CDH22: variants seen among roughly 807,000 people sequenced by gnomAD.
The protein encoded by CDH22 is cadherin 22.
A neutral mutation model predicts 58.4 loss-of-function variants in CDH22; 30 were observed. That is an observed-to-expected ratio of 0.51 (90% CI 0.38 to 0.70). CDH22 has a LOEUF of 0.70. Ranked by LOEUF, CDH22 falls within the 30% of genes least tolerant of loss-of-function variation. The probability of loss-of-function intolerance (pLI) is 0.00; values close to 1 mark genes in which losing one functional copy is unlikely to be tolerated. For synonymous variants in CDH22, 513 were observed against 558.2 expected (o/e 0.92, Z 1.14); for missense variants, 1,014 against 1,233.9 (o/e 0.82, Z 2.67).
chr20:46,284,629 T>C (rs1485497737), intron 1 of CDH22, among the ~76,000 whole-genome samples: 3 of 152,176 alleles, frequency 2.0e-5, no homozygotes, highest in Non-Finnish European at 4.4e-5. Context: ...TTCTGATTGA[T>C]CAGTGAGTAT....
At chr20:46,248,193 T>G (rs1477034627) in intron 2 of CDH22, among the ~76,000 whole-genome samples, 1 of 152,182 alleles carries the variant, frequency 6.6e-6, no homozygotes, top group Non-Finnish European at 1.5e-5. Flanking sequence ...TAGACTGTGG[T>G]TCCATGAGAT....
At chr20:46,236,724 C>T (rs1199417488) in intron 3 of CDH22, among the ~76,000 whole-genome samples, 1 of 150,632 alleles carries the variant, frequency 6.6e-6, no homozygotes, top group Non-Finnish European at 1.5e-5. Context: ...GAGAGTCTTG[C>T]ACTGTCACTC....
chr20:46,202,752 C>A (rs1445145452), intron 7 of CDH22, among the ~76,000 whole-genome samples: 1 of 152,146 alleles, frequency 6.6e-6, no homozygotes, highest in Non-Finnish European at 1.5e-5. Flanking sequence ...CCAGCCTGGC[C>A]CCATCAGATA....
chr20:46,308,290 C>A lies in CDH22; in HGVS notation c.-435G>T, dbSNP rs1384862698. 1 of 162,044 alleles carries A rather than the reference C, an allele frequency of 6.2e-6. No individual in the cohort carries two copies. The highest frequency in any genetic ancestry group is 1.3e-5 in the Non-Finnish European group (1 of 74,532). The allele number at this position is 162,044 out of a possible 1,614,324, so 10.0% of individuals were successfully genotyped here. A position where few individuals can be genotyped will look rare whatever the true frequency, so the allele number is the denominator to read the frequency against. On this transcript the variant is annotated 5_prime_UTR_variant, in exon 1 of 12. Coordinates refer to ENST00000537909, the MANE Select transcript of CDH22 (RefSeq NM_021248.3). The surrounding 1 kb of genome is among the most constrained non-coding windows in gnomAD (Gnocchi z 4.3). ...GGCCCGGGGCTCCCCCTAGTCCTGC[C>A]GCCTCGGGACGCTGCGTGGGGCGGG...
In CDH22 at chr20:46,225,051, A is replaced by G. The variant is rs576698687; in HGVS notation, c.670+2457T>C. On this transcript the variant is annotated intron_variant, in intron 4 of 11. Coordinates refer to ENST00000537909, the MANE Select transcript of CDH22 (RefSeq NM_021248.3). ...GTTAAAATTAAAACCAGAGCATGTC[A>G]TTTCCTTGCTTAGTAGTCATCAGTG... Among the ~76,000 whole-genome samples the G allele has an allele frequency of 8.5e-5, 13 of 152,322 alleles. No homozygotes were observed. In the East Asian group the frequency reaches 2.5e-3, roughly 29 times the overall value.
At chr20:46,186,171 C>T (rs1378719171) in intron 10 of CDH22, among the ~76,000 whole-genome samples, 1 of 149,116 alleles carries the variant, frequency 6.7e-6, no homozygotes, top group Non-Finnish European at 1.5e-5. Flanking sequence ...CCACTGCACT[C>T]CAGCCTGGCT....
rs780634106 is a variant in CDH22 at position 46,251,164 on chromosome 20, G to A, written c.131C>T (p.Pro44Leu). 7.6e-6 allele frequency: 12 copies of A among 1,585,116 alleles called. No individual in the cohort carries two copies. Among genetic ancestry groups the A allele is most frequent in the South Asian group, 1.1e-5 (1 of 89,166 alleles). The change falls in exon 2 of 12, where the codon CCG (proline) becomes CTG (leucine). Residue 44 changes from proline to leucine, a missense_variant. Around this residue, in one of 2 missense-constraint regions of CDH22, gnomAD observed 806 missense variants for 1,038.7 expected, o/e 0.78. Coordinates refer to ENST00000537909, the MANE Select transcript of CDH22 (RefSeq NM_021248.3). The surrounding 1 kb of genome is among the most constrained non-coding windows in gnomAD (Gnocchi z 6.7). Reference sequence around the variant, plus strand: ...GTCCTGCCGAGCTCCGGGCGCCGACGGCGAGGGTGTGCCCGCTGCCCACAG... The same window carrying A: ...GTCCTGCCGAGCTCCGGGCGCCGACAGCGAGGGTGTGCCCGCTGCCCACAG... The part of the protein sequence containing the change: ...GRLWAAGTPS[P>L]SAPGARQDGA...
At chr20:46,219,462 T>C (rs1474334581) in intron 4 of CDH22, among the ~76,000 whole-genome samples, 1 of 152,212 alleles carries the variant, frequency 6.6e-6, no homozygotes, top group East Asian at 1.9e-4. Context: ...CTGTAGTCAG[T>C]CATTTTGGGC....
At chr20:46,304,000 G>A (rs529757717) in intron 1 of CDH22, among the ~76,000 whole-genome samples, 3 of 152,228 alleles carry the variant, frequency 2.0e-5, no homozygotes, top group Admixed American at 6.5e-5. Flanking sequence ...AGAAGGGATC[G>A]CGAGATGGAT....
At chr20:46,259,745 C>G (rs191344955) in intron 1 of CDH22, among the ~76,000 whole-genome samples, 9 of 152,164 alleles carry the variant, frequency 5.9e-5, no homozygotes, top group African/African-American at 1.9e-4. Flanking sequence ...ACTGGAAGAA[C>G]AAGCATGAGC....
chr20:46,267,717 G>A (rs2086467842), intron 1 of CDH22, among the ~76,000 whole-genome samples: 1 of 152,228 alleles, frequency 6.6e-6, no homozygotes, highest in Non-Finnish European at 1.5e-5. Flanking sequence ...TTCCCTTCCT[G>A]CACCTCAGTC....
At chr20:46,304,660 TG>T (rs1403945310) in intron 1 of CDH22, among the ~76,000 whole-genome samples, 2 of 152,120 alleles carry the variant, frequency 1.3e-5, no homozygotes, top group Non-Finnish European at 2.9e-5. Context: ...GAGGGAAATG[TG>T]GGGGAAGAAG....
rs549893047 is a variant in CDH22, at chr20:46,284,990, C to T, written c.-400+23265G>A. On this transcript the variant is annotated intron_variant, in intron 1 of 11. Transcript: ENST00000537909. The stretch of plus-strand genomic sequence containing the variant: ...GCCTCTCCATCTCTGCTCAGGCTTT[C>T]CCCCGACCCCCAACCTGACCACTGT... 2.2e-4 allele frequency among the ~76,000 whole-genome samples: 34 copies of T among 152,298 alleles called. 1 individual carries two copies. Among genetic ancestry groups the T allele is most frequent in the African/African-American group, 7.9e-4 (33 of 41,554 alleles).
chr20:46,181,559 G>A (rs565587542), intron 10 of CDH22, among the ~76,000 whole-genome samples: 1 of 151,812 alleles, frequency 6.6e-6, no homozygotes, highest in African/African-American at 2.4e-5. Context: ...GGAGGCTGTG[G>A]TAAGGAATTT....
chr20:46,187,224 A>G (rs1600686952), intron 8 of CDH22, among the ~76,000 whole-genome samples: 1 of 151,716 alleles, frequency 6.6e-6, no homozygotes, highest in South Asian at 2.1e-4. Context: ...GCCATCACCA[A>G]CACCATCACC....
intron 3 of CDH22, among the ~76,000 whole-genome samples, chr20:46,238,160 G>C (rs1474226733): frequency 1.3e-5 from 2 of 152,164 alleles, no homozygotes; most frequent in Non-Finnish European, 2.9e-5. Context: ...CTTTCCTCTA[G>C]TCCTTCAGAT....
intron 1 of CDH22, among the ~76,000 whole-genome samples, chr20:46,282,321 A>AG (rs1384561511): frequency 6.6e-6 from 1 of 152,056 alleles, no homozygotes; most frequent in Admixed American, 6.5e-5. Flanking sequence ...CTGGGGAGAA[A>AG]GGGGTCTCTA....
chr20:46,251,919 A>G lies in CDH22; in HGVS notation c.-399-226T>C, dbSNP rs1333429284. 6.6e-6 allele frequency among the ~76,000 whole-genome samples: 1 copy of G among 151,844 alleles called. No homozygotes were observed. Among genetic ancestry groups the G allele is most frequent in the Non-Finnish European group, 1.5e-5 (1 of 67,952 alleles). ...GCAGCCTCTCCTTTCACCTGGCATC[A>G]TACGCCCTGTACTCCCAATCTCCTA... On this transcript the variant is annotated intron_variant, in intron 1 of 11. Transcript: ENST00000537909. This position sits in a 1 kb window ranked among gnomAD's most constrained non-coding sequence, Gnocchi z 6.7.
At chr20:46,279,732 A>G (rs2086539942) in intron 1 of CDH22, among the ~76,000 whole-genome samples, 1 of 152,250 alleles carries the variant, frequency 6.6e-6, no homozygotes, top group Admixed American at 6.5e-5. Context: ...CTTCATCGAC[A>G]GTGCCCTGAT....
Sources: gnomAD v4.1 joint callset for allele counts (sites outside exome capture counted in the v4.1 genomes callset) on GRCh38, gnomAD v4.1.1 for gene constraint, gnomAD v4.1.1 regional missense constraint, Gnocchi (gnomAD v3.1) non-coding constraint, MANE v1.5 for transcripts, NCBI Gene and HGNC (gene_info 2026-07-23, HGNC 2026-07-21) for gene names.